DOCK2: variants seen among roughly 807,000 people sequenced by gnomAD.
The protein encoded by DOCK2 is dedicator of cytokinesis 2, also known as dedicator of cytokinesis protein 2.
A neutral mutation model predicts 248.9 loss-of-function variants in DOCK2; 87 were observed. The ratio of observed to expected loss-of-function variants is 0.35; its 90% CI spans 0.29 to 0.42. The LOEUF (loss-of-function observed/expected upper bound fraction) is 0.42. Ranked by LOEUF, DOCK2 falls within the 10% of genes least tolerant of loss-of-function variation. The pLI is 1.00. For synonymous variants in DOCK2, 805 were observed against 821.6 expected (o/e 0.98, Z 0.35); for missense variants, 1,747 against 2,300.2 (o/e 0.76, Z 4.92).
intron 6 of DOCK2, among the ~76,000 whole-genome samples, chr5:169,680,645 C>T (rs776943019): frequency 1.8e-4 from 28 of 152,012 alleles, no homozygotes; most frequent in Admixed American, 7.2e-4. Context: ...TGCTTGAGCC[C>T]AAGAGTTCAA....
chr5:170,083,022 C>A lies in DOCK2; in HGVS notation c.*164C>A. ...CCAATCAGGTCCCAGAGCTTGAATG[C>A]TAACAAGCCCAGCATCCCCTGGGGC... On this transcript the variant is annotated 3_prime_UTR_variant, in exon 52 of 52. Coordinates refer to ENST00000520908, the MANE Select transcript of DOCK2 (RefSeq NM_004946.3). 1 of 757,900 alleles carries A rather than the reference C, an allele frequency of 1.3e-6. No individual in the cohort carries two copies. The highest frequency in any genetic ancestry group is 2.1e-6 in the Non-Finnish European group (1 of 471,838). The allele number at this position is 757,900 out of a possible 1,614,324, so 46.9% of individuals were successfully genotyped here.
chr5:169,832,397 G>A (rs570273388), intron 26 of DOCK2, among the ~76,000 whole-genome samples: 46 of 152,314 alleles, frequency 3.0e-4, no homozygotes, highest in South Asian at 6.2e-4. Flanking sequence ...TGGCACATGG[G>A]GTGGGGACAC....
intron 26 of DOCK2, among the ~76,000 whole-genome samples, chr5:169,810,028 A>G (rs1407873145): frequency 1.3e-5 from 2 of 152,160 alleles, no homozygotes; most frequent in Non-Finnish European, 2.9e-5. Flanking sequence ...CAGAAACCAG[A>G]GTGCTATGAG....
chr5:170,080,427 AC>A (rs1455076676), intron 50 of DOCK2, 144 bp downstream of exon 50: 37 of 1,281,072 alleles, frequency 2.9e-5, no homozygotes, highest in Non-Finnish European at 3.8e-5. Flanking sequence ...ATAGCCACCC[AC>A]CCTCTAATCT....
At position 170,068,991 on chromosome 5, in the gene DOCK2, C is replaced by A. The variant is rs952710958; in HGVS notation, c.4645-146C>A. On this transcript the variant is annotated intron_variant, in intron 45 of 51. Transcript: ENST00000520908. Reference sequence around the variant, plus strand: ...AAAGCAGATAAAACAATGTCAGTCTCTCCAGACCTGTTACTCTTGTTCCAT... The same window carrying A: ...AAAGCAGATAAAACAATGTCAGTCTATCCAGACCTGTTACTCTTGTTCCAT... 5.9e-6 allele frequency: 4 copies of A among 677,894 alleles called. No homozygotes were observed. In the African/African-American group the frequency reaches 7.2e-5, roughly 12 times the overall value. The allele number at this position is 677,894 out of a possible 1,614,324, so 42.0% of individuals were successfully genotyped here.
At chr5:169,963,492 A>G (rs1777174079) in intron 27 of DOCK2, among the ~76,000 whole-genome samples, 2 of 152,050 alleles carry the variant, frequency 1.3e-5, no homozygotes, top group Non-Finnish European at 2.9e-5. Context: ...CACTGCTGAT[A>G]TTCTCATTGT....
At chr5:170,053,225 C>T (rs976031177) in intron 41 of DOCK2, among the ~76,000 whole-genome samples, 2 of 152,218 alleles carry the variant, frequency 1.3e-5, no homozygotes, top group Non-Finnish European at 2.9e-5. Context: ...CTTGGGCCAA[C>T]ACCAGTGGCT....
chr5:169,808,183 T>C (rs918448902), intron 26 of DOCK2, among the ~76,000 whole-genome samples: 4 of 152,162 alleles, frequency 2.6e-5, no homozygotes, highest in Admixed American at 6.5e-5. Context: ...GAACAACCCA[T>C]TGATGTTCCA....
intron 27 of DOCK2, among the ~76,000 whole-genome samples, chr5:169,969,165 C>T (rs1247881971): frequency 6.6e-6 from 1 of 151,660 alleles, no homozygotes; most frequent in Non-Finnish European, 1.5e-5. Context: ...GAAAAAATGG[C>T]CGGGGGTGGT....
intron 2 of DOCK2, among the ~76,000 whole-genome samples, chr5:169,666,093 A>C (rs1758712218): frequency 6.6e-6 from 1 of 152,184 alleles, no homozygotes; most frequent in African/African-American, 2.4e-5. Context: ...TGGAGACTGG[A>C]AAGTTGAAGA....
chr5:169,967,904 G>T (rs762039134), intron 27 of DOCK2, among the ~76,000 whole-genome samples: 3 of 152,158 alleles, frequency 2.0e-5, no homozygotes, highest in Non-Finnish European at 4.4e-5. Flanking sequence ...TGGAACAAAG[G>T]ACTATGGCTG....
rs76644905 is a variant in DOCK2 at position 169,835,881 on chromosome 5, G to A, written c.2704-4876G>A. On this transcript the variant is annotated intron_variant, in intron 26 of 51. Coordinates refer to ENST00000520908, the MANE Select transcript of DOCK2 (RefSeq NM_004946.3). ...GGCTCAAGCCTGCCTCAGCCTCCCC[G>A]ATAGCTGGGACTACAAGTGTGCACC... 4.1e-3 allele frequency among the ~76,000 whole-genome samples: 622 copies of A among 151,538 alleles called. 6 individuals are homozygous for A. Among genetic ancestry groups the A allele is most frequent in the Middle Eastern group, 0.01 (3 of 294 alleles).
intron 27 of DOCK2, among the ~76,000 whole-genome samples, chr5:169,902,845 A>G (rs1336178869): frequency 6.6e-6 from 1 of 152,150 alleles, no homozygotes; most frequent in African/African-American, 2.4e-5. Flanking sequence ...CACGCCTGTA[A>G]TCCCAACAGT....
At chr5:170,075,742 TTCTC>T (rs1168276681) in intron 46 of DOCK2, 9 of 620,866 alleles carry the variant, frequency 1.4e-5, no homozygotes, top group Non-Finnish European at 2.2e-5. Flanking sequence ...CTGGGGGTCT[TTCTC>T]TCCTTTCCAG....
intron 27 of DOCK2, among the ~76,000 whole-genome samples, chr5:169,896,133 G>C (rs1208929317): frequency 6.6e-6 from 1 of 152,050 alleles, no homozygotes; most frequent in Admixed American, 6.5e-5. Flanking sequence ...CTCCCAGAGC[G>C]TGCAGGCAGA....
chr5:169,698,634 A>G lies in DOCK2; in HGVS notation c.1055+185A>G, dbSNP rs537407576. ...CTCAAAACCAAACAGCTCTTCAGCC[A>G]TTCATTCATCAGATGTTATTTATGC... is the stretch of plus-strand genomic sequence containing the variant. On this transcript the variant is annotated intron_variant, in intron 11 of 51. Coordinates refer to ENST00000520908, the MANE Select transcript of DOCK2 (RefSeq NM_004946.3). Among the ~76,000 whole-genome samples, 9 of 152,372 alleles carry G rather than the reference A, an allele frequency of 5.9e-5. No homozygotes were observed. In the East Asian group the frequency reaches 1.7e-3, roughly 29 times the overall value.
At chr5:170,030,647 T>C (rs1023906602) in intron 34 of DOCK2, among the ~76,000 whole-genome samples, 4 of 152,234 alleles carry the variant, frequency 2.6e-5, no homozygotes, top group African/African-American at 9.6e-5. Flanking sequence ...CCTTTGAGTG[T>C]CATGTTAGTG....
intron 27 of DOCK2, among the ~76,000 whole-genome samples, chr5:169,863,876 CA>C (rs1771364181): frequency 6.6e-6 from 1 of 152,150 alleles, no homozygotes; most frequent in South Asian, 2.1e-4. Flanking sequence ...CGGGTCTGCA[CA>C]ACACTATTTT....
rs1415180608 is a variant in DOCK2, at chr5:169,807,478, C to T, written c.2703+4272C>T. On this transcript the variant is annotated intron_variant, in intron 26 of 51. Coordinates refer to ENST00000520908, the MANE Select transcript of DOCK2 (RefSeq NM_004946.3). ...GTATTCACTGGAAATAGAGGAATAG[C>T]TGGGCTCATTCTCAGTTCTTTACCT... 2.6e-5 allele frequency among the ~76,000 whole-genome samples: 4 copies of T among 151,942 alleles called. No homozygotes were observed. In the East Asian group the frequency reaches 5.8e-4, roughly 22 times the overall value.
Sources: allele counts gnomAD v4.1 joint callset (sites outside exome capture counted in the v4.1 genomes callset), GRCh38; gene constraint gnomAD v4.1.1; transcripts MANE v1.5; gene names NCBI Gene and HGNC (gene_info 2026-07-23, HGNC 2026-07-21).